CCDC66: variants seen among roughly 807,000 people sequenced by gnomAD.
The protein encoded by CCDC66 is coiled-coil domain containing 66.
A neutral mutation model predicts 128.3 loss-of-function variants in CCDC66; 133 were observed. The ratio of observed to expected loss-of-function variants is 1.04; its 90% CI spans 0.90 to 1.20. CCDC66 has a LOEUF of 1.20. Among genes scored for constraint, CCDC66 ranks in the 50% most tolerant of loss-of-function variants. The probability of loss-of-function intolerance (pLI) is 0.00; values close to 1 mark genes in which losing one functional copy is unlikely to be tolerated. For synonymous variants in CCDC66, 387 were observed against 357.0 expected (o/e 1.08, Z -0.95); for missense variants, 1,126 against 1,075.5 (o/e 1.05, Z -0.66).
chr3:56,567,936 T>C (rs533521784), intron 6 of CCDC66, among the ~76,000 whole-genome samples: 2 of 152,220 alleles, frequency 1.3e-5, no homozygotes, highest in African/African-American at 2.4e-5. Flanking sequence ...ATGATCCACC[T>C]GCCTCGGCCT....
intron 10 of CCDC66, among the ~76,000 whole-genome samples, chr3:56,597,773 T>G (rs62256012): frequency 1.2e-5 from 1 of 86,786 alleles, no homozygotes; most frequent in African/African-American, 4.4e-5. Context: ...GGTTTTGTTT[T>G]GGGGTTTTTT....
rs759505821 is a variant in CCDC66 at position 56,621,598 on chromosome 3, A to G, written c.2827A>G (p.Ser943Gly). 1.9e-6 allele frequency: 3 copies of G among 1,598,588 alleles called. No homozygotes were observed. The highest frequency in any genetic ancestry group is 2.6e-6 in the Non-Finnish European group (3 of 1,173,222). ...GCCTTTAGCTGAAAATCAAGAAGAG[A>G]GTTTTGGTTCTTCATTTTAAATGTA... is the stretch of plus-strand genomic sequence containing the variant. Reference protein sequence around the residue: ...LLPLAENQEESFGSSF With the variant: ...LLPLAENQEEGFGSSF The change falls in exon 18 of 18, where the codon AGT becomes GGT. Residue 943 changes from serine to glycine, a missense_variant. Physicochemically the swap from Ser to Gly is moderately conservative, Grantham distance 56. Coordinates refer to ENST00000394672, the MANE Select transcript of CCDC66 (RefSeq NM_001141947.3).
At chr3:56,617,047 GA>G (rs1185596878) in intron 13 of CCDC66, 64 bp from the exon 14 acceptor site, 1 of 1,270,502 alleles carries the variant, frequency 7.9e-7, no homozygotes, top group Non-Finnish European at 1.1e-6. Flanking sequence ...ATGTTTTGGG[GA>G]AAATTATTTA....
intron 7 of CCDC66, among the ~76,000 whole-genome samples, chr3:56,584,512 G>A (rs533118879): frequency 6.9e-4 from 103 of 149,266 alleles, no homozygotes; most frequent in Middle Eastern, 3.5e-3. Context: ...GGGCAGAGGC[G>A]CTCCCCACAT....
intron 7 of CCDC66, among the ~76,000 whole-genome samples, chr3:56,583,372 CA>C (rs1463830474): frequency 1.3e-5 from 2 of 151,758 alleles, no homozygotes; most frequent in Non-Finnish European, 2.9e-5. Flanking sequence ...GGTCATAGGA[CA>C]ATAGTGGAGG....
chr3:56,563,200 A>G (rs2065337802), intron 3 of CCDC66, among the ~76,000 whole-genome samples: 1 of 151,820 alleles, frequency 6.6e-6, no homozygotes, highest in Non-Finnish European at 1.5e-5. Context: ...GTCCCTACTA[A>G]AAATACAAAA....
intron 10 of CCDC66, among the ~76,000 whole-genome samples, chr3:56,601,622 ATTTG>A (rs2107138129): frequency 6.6e-6 from 1 of 152,044 alleles, no homozygotes; most frequent in African/African-American, 2.4e-5. Context: ...GTGTTTTTCC[ATTTG>A]TTTGTGTCCT....
At chr3:56,619,234 TA>T in intron 15 of CCDC66, 36 bp from the exon 16 acceptor site, 1 of 1,453,006 alleles carries the variant, frequency 6.9e-7, no homozygotes, top group Non-Finnish European at 9.3e-7. Flanking sequence ...ATACTTAATC[TA>T]AATACACAAT....
Position 56,593,993 on chromosome 3 carries a change from C to T in CCDC66, c.1369C>T (p.Arg457Ter), listed in dbSNP as rs755321533. The T allele has an allele frequency of 2.2e-5, 35 of 1,613,990 alleles. No individual in the cohort carries two copies. Among genetic ancestry groups the T allele is most frequent in the Middle Eastern group, 1.6e-4 (1 of 6,082 alleles). The change falls in exon 10 of 18, where the codon CGA (arginine) becomes TGA (stop). Residue 457 changes from arginine (R) to a stop codon, truncating the protein, a stop_gained. Coordinates refer to ENST00000394672, the MANE Select transcript of CCDC66 (RefSeq NM_001141947.3). LOFTEE classifies it high-confidence loss of function. ...CTTGGACCCAGCTCAGATTGAGGAA[C>T]GAGACAGACGACGACAAAAACAATT... ...ALLDPAQIEERDRRRQKQLEH... is the reference protein window; with the variant it reads ...ALLDPAQIEE
intron 7 of CCDC66, among the ~76,000 whole-genome samples, chr3:56,588,176 A>G (rs1182001418): frequency 2.6e-5 from 4 of 152,240 alleles, no homozygotes; most frequent in Non-Finnish European, 1.5e-5. Flanking sequence ...GTTGGAGAGT[A>G]TTATTTTAAG....
chr3:56,612,281 C>T lies in CCDC66; in HGVS notation c.1405-1308C>T, dbSNP rs1356559063. 4.0e-5 allele frequency among the ~76,000 whole-genome samples: 6 copies of T among 151,886 alleles called. No homozygotes were observed. In the East Asian group the frequency reaches 5.8e-4, roughly 15 times the overall value. On this transcript the variant is annotated intron_variant, in intron 10 of 17. Transcript: ENST00000394672. ...TAATCTCTATAGACTTTTTTTTGGC[C>T]GAAAACAGTATCTGTGGTATCTGTA...
intron 10 of CCDC66, among the ~76,000 whole-genome samples, chr3:56,611,568 C>G (rs1443085000): frequency 7.6e-6 from 1 of 132,128 alleles, no homozygotes; most frequent in African/African-American, 2.8e-5. Flanking sequence ...GCCCACCCCC[C>G]ACCCCCCACG....
At chr3:56,614,616 T>C (rs1281229550) in intron 11 of CCDC66, among the ~76,000 whole-genome samples, 1 of 152,198 alleles carries the variant, frequency 6.6e-6, no homozygotes, top group African/African-American at 2.4e-5. Flanking sequence ...ACTCACTTGC[T>C]AAAGTTTTAA....
intron 1 of CCDC66, among the ~76,000 whole-genome samples, chr3:56,558,232 A>G (rs1559582964): frequency 6.6e-6 from 1 of 152,014 alleles, no homozygotes; most frequent in East Asian, 1.9e-4. Flanking sequence ...ATGGGCTGCC[A>G]TTTTTGTTCT....
At chr3:56,608,758 T>C (rs1016220648) in intron 10 of CCDC66, among the ~76,000 whole-genome samples, 1 of 152,222 alleles carries the variant, frequency 6.6e-6, no homozygotes, top group African/African-American at 2.4e-5. Flanking sequence ...TGAACTTTCC[T>C]CTTAGCACTG....
chr3:56,563,666 C>T lies in CCDC66; in HGVS notation c.103-18C>T, dbSNP rs1408263111. 4 of 1,525,884 alleles carry T rather than the reference C, an allele frequency of 2.6e-6. No homozygotes were observed. The African/African-American group carries it at 5.6e-5, about 21-fold the overall frequency. The allele number at this position is 1,525,884 out of a possible 1,614,324, so 94.5% of individuals were successfully genotyped here. A position where few individuals can be genotyped will look rare whatever the true frequency, so the allele number is the denominator to read the frequency against. ...TTCTTGGACAGTTATAAAGAATAAG[C>T]TTCTGGTGTTTTAACAGATGGGAAA... On this transcript the variant is annotated intron_variant, in intron 3 of 17. Transcript: ENST00000394672.
chr3:56,617,079 A>G, intron 13 of CCDC66, 33 bp from the exon 14 acceptor site: 1 of 1,454,336 alleles, frequency 6.9e-7, no homozygotes, highest in Non-Finnish European at 9.2e-7. Flanking sequence ...TTTTGTTTAC[A>G]ATTTTTAAAA....
intron 10 of CCDC66, among the ~76,000 whole-genome samples, chr3:56,607,980 A>C (rs983106484): frequency 3.3e-5 from 5 of 152,216 alleles, no homozygotes; most frequent in African/African-American, 1.2e-4. Context: ...CCTGGTATGA[A>C]ACCCACTTGA....
chr3:56,585,585 A>C (rs995814864), intron 7 of CCDC66, among the ~76,000 whole-genome samples: 1 of 151,884 alleles, frequency 6.6e-6, no homozygotes, highest in Admixed American at 6.6e-5. Flanking sequence ...GTATATCATA[A>C]TAAGTTTGCA....
Sources: allele counts gnomAD v4.1 joint callset (sites outside exome capture counted in the v4.1 genomes callset), GRCh38; gene constraint gnomAD v4.1.1; transcripts MANE v1.5; gene names NCBI Gene and HGNC (gene_info 2026-07-23, HGNC 2026-07-21).